Variants in PTCHD4 observed in about 807,000 individuals in gnomAD.
PTCHD4 encodes patched domain-containing protein 4.
A neutral mutation model predicts 58.1 loss-of-function variants in PTCHD4; 33 were observed. The ratio of observed to expected loss-of-function variants is 0.57; its 90% CI spans 0.43 to 0.76. PTCHD4 has a LOEUF of 0.76. Among genes scored for constraint, PTCHD4 ranks in the 30% least tolerant of loss-of-function variants. The probability of loss-of-function intolerance (pLI) is 0.00; values close to 1 mark genes in which losing one functional copy is unlikely to be tolerated. For synonymous variants in PTCHD4, 478 were observed against 409.6 expected, an observed-to-expected ratio of 1.17 and a Z score of -2.02; for missense variants, 1,058 against 1,027.1, an observed-to-expected ratio of 1.03 and a Z score of -0.41.
At chr6:47,939,606 G>A (rs1026297126) in intron 4 of PTCHD4, among the ~76,000 whole-genome samples, 6 of 152,086 alleles carry the variant, frequency 3.9e-5, no homozygotes. Context: ...GCTGGTTTCT[G>A]TATCTATCCT....
At chr6:47,990,403 C>A (rs1768236055) in intron 4 of PTCHD4, among the ~76,000 whole-genome samples, 1 of 152,076 alleles carries the variant, frequency 6.6e-6, no homozygotes, top group African/African-American at 2.4e-5. Flanking sequence ...TGTGTCCCCA[C>A]CCAAATCTCA....
intron 4 of PTCHD4, among the ~76,000 whole-genome samples, chr6:47,996,906 A>T (rs749621194): frequency 6.6e-6 from 1 of 152,240 alleles, no homozygotes; most frequent in Non-Finnish European, 1.5e-5. Flanking sequence ...TTTCTAAAAA[A>T]ATAACCTTTA....
chr6:47,908,892 A>G (rs1294405558), intron 4 of PTCHD4, among the ~76,000 whole-genome samples: 1 of 152,200 alleles, frequency 6.6e-6, no homozygotes, highest in Non-Finnish European at 1.5e-5. Flanking sequence ...TCCGTTTGAA[A>G]AGATTACAAT....
At chr6:48,105,122 T>C (rs1421602364) in intron 1 of PTCHD4, among the ~76,000 whole-genome samples, 2 of 152,022 alleles carry the variant, frequency 1.3e-5, no homozygotes, top group African/African-American at 4.8e-5. Flanking sequence ...TCTACAGAAC[T>C]CTCCACCCCA....
At chr6:48,071,461 A>G (rs1056894801) in intron 1 of PTCHD4, among the ~76,000 whole-genome samples, 2 of 152,226 alleles carry the variant, frequency 1.3e-5, no homozygotes, top group East Asian at 3.8e-4. Flanking sequence ...TGAAAGATGC[A>G]TTAGAATGTT....
rs1763634980 is a variant in PTCHD4 at position 47,868,583 on chromosome 6, C to T, written c.*9720G>A. ...AGACATTGTGTGCTTCATAGTTTGGCATGTCAGTTGCCATTTTTAAAATAA... is the reference window on the plus strand; with the variant it reads ...AGACATTGTGTGCTTCATAGTTTGGTATGTCAGTTGCCATTTTTAAAATAA... On this transcript the variant is annotated 3_prime_UTR_variant, in exon 5 of 5. Transcript: ENST00000339488. Among the ~76,000 whole-genome samples, 1 of 151,782 alleles carries T rather than the reference C, an allele frequency of 6.6e-6. No homozygotes were observed. The highest frequency in any genetic ancestry group is 2.1e-4 in the South Asian group (1 of 4,828).
chr6:47,954,075 AG>A (rs1445260040), intron 4 of PTCHD4, among the ~76,000 whole-genome samples: 7 of 152,152 alleles, frequency 4.6e-5, no homozygotes, highest in Non-Finnish European at 8.8e-5. Context: ...GGACATAATT[AG>A]GTCAGTGCGG....
Position 48,008,855 on chromosome 6 carries a change from G to C in PTCHD4, c.677C>G (p.Thr226Ser). 1 of 1,613,978 alleles carries C rather than the reference G, an allele frequency of 6.2e-7. No individual in the cohort carries two copies. Among genetic ancestry groups the C allele is most frequent in the Non-Finnish European group, 8.5e-7 (1 of 1,179,892 alleles). Reference sequence around the variant, plus strand: ...GACCTTGCTTCTGGCCAGGATGCTGGTCTTATGAAAGTCCCTCCAGAGGCT... The same window carrying C: ...GACCTTGCTTCTGGCCAGGATGCTGCTCTTATGAAAGTCCCTCCAGAGGCT... ...SFSLWRDFHK[T>S]SILARSKVLV... Residue 226 changes from threonine to serine, a missense_variant, in exon 4 of 5, where the codon ACC becomes AGC. Transcript: ENST00000339488.
intron 1 of PTCHD4, among the ~76,000 whole-genome samples, chr6:48,108,074 G>C (rs999678248): frequency 1.5e-4 from 23 of 152,142 alleles, no homozygotes; most frequent in East Asian, 3.9e-4. Flanking sequence ...CTAGAAATAC[G>C]ATTTGACCCA....
In PTCHD4 at chr6:47,865,127, A is replaced by G. The variant is rs1378399659; in HGVS notation, c.*13176T>C. On this transcript the variant is annotated 3_prime_UTR_variant, in exon 5 of 5. Coordinates refer to ENST00000339488, the MANE Select transcript of PTCHD4 (RefSeq NM_001384253.1). ...ATATATGTAGATTAATCTAGATACT[A>G]TTGTAGTGTCTCTAGCTATAATACG... Among the ~76,000 whole-genome samples, 1 of 151,930 alleles carries G rather than the reference A, an allele frequency of 6.6e-6. No individual in the cohort carries two copies. Among genetic ancestry groups the G allele is most frequent in the Non-Finnish European group, 1.5e-5 (1 of 67,908 alleles).
chr6:48,051,677 C>T (rs538575910), intron 3 of PTCHD4, among the ~76,000 whole-genome samples: 1 of 152,040 alleles, frequency 6.6e-6, no homozygotes, highest in East Asian at 1.9e-4. Flanking sequence ...GACTTCATAA[C>T]CTTCAGAGTA....
At chr6:47,918,373 A>C (rs547166788) in intron 4 of PTCHD4, among the ~76,000 whole-genome samples, 1 of 152,182 alleles carries the variant, frequency 6.6e-6, no homozygotes, top group Non-Finnish European at 1.5e-5. Context: ...CTAGAAAAAA[A>C]ATCCAGATCA....
At chr6:47,932,243 A>G (rs1341478123) in intron 4 of PTCHD4, among the ~76,000 whole-genome samples, 2 of 152,150 alleles carry the variant, frequency 1.3e-5, no homozygotes, top group East Asian at 1.9e-4. Flanking sequence ...TGGTCCTCAT[A>G]TCTAATAGTT....
At chr6:48,045,863 G>A (rs1045870116) in intron 3 of PTCHD4, among the ~76,000 whole-genome samples, 15 of 151,116 alleles carry the variant, frequency 9.9e-5, no homozygotes, top group Admixed American at 9.3e-4. Flanking sequence ...GTCCAGCATA[G>A]GTTCAAGTAT....
At chr6:48,090,342 G>A (rs1765339870) in intron 1 of PTCHD4, among the ~76,000 whole-genome samples, 1 of 152,116 alleles carries the variant, frequency 6.6e-6, no homozygotes, top group Non-Finnish European at 1.5e-5. Context: ...GTCATTCTCA[G>A]GGAAGCCTAT....
intron 3 of PTCHD4, among the ~76,000 whole-genome samples, chr6:48,014,848 AC>A (rs1762812748): frequency 6.6e-6 from 1 of 152,050 alleles, no homozygotes; most frequent in South Asian, 2.1e-4. Flanking sequence ...CAAGGTTGAA[AC>A]TCAGATCTTC....
At chr6:47,892,535 T>C (rs1764412170) in intron 4 of PTCHD4, among the ~76,000 whole-genome samples, 1 of 152,252 alleles carries the variant, frequency 6.6e-6, no homozygotes, top group South Asian at 2.1e-4. Context: ...TTGCAAGCTC[T>C]GGAGATCTTT....
At chr6:47,962,154 T>C (rs1468933164) in intron 4 of PTCHD4, among the ~76,000 whole-genome samples, 1 of 152,128 alleles carries the variant, frequency 6.6e-6, no homozygotes, top group Non-Finnish European at 1.5e-5. Context: ...AAATCAGACG[T>C]TTTGTATAAT....
chr6:48,012,800 T>G (rs1762727631), intron 3 of PTCHD4, among the ~76,000 whole-genome samples: 1 of 152,164 alleles, frequency 6.6e-6, no homozygotes, highest in Non-Finnish European at 1.5e-5. Context: ...TTAATTTTAT[T>G]GAAGACCTTT....
Sources: allele counts gnomAD v4.1 joint callset (sites outside exome capture counted in the v4.1 genomes callset), GRCh38; gene constraint gnomAD v4.1.1; transcripts MANE v1.5; gene names NCBI Gene and HGNC (gene_info 2026-07-23, HGNC 2026-07-21).